Variants in TAOK3 observed in about 807,000 individuals in gnomAD.
The protein encoded by TAOK3 is TAO kinase 3, also known as serine/threonine-protein kinase TAO3.
A neutral mutation model predicts 120.4 loss-of-function variants in TAOK3; 40 were observed. That is an observed-to-expected ratio of 0.33 (90% CI 0.26 to 0.43). The LOEUF is 0.43. TAOK3 is among the 20% of genes least tolerant of loss of function. The pLI, the probability that TAOK3 is intolerant of heterozygous loss-of-function variation, is 1.00. For missense variants in TAOK3, 821 were observed against 1,112.1 expected (o/e 0.74, Z 3.72); for synonymous variants, 355 against 387.5 (o/e 0.92, Z 0.99).
chr12:118,288,953 A>C (rs1378784140), intron 1 of TAOK3, among the ~76,000 whole-genome samples: 1 of 151,208 alleles, frequency 6.6e-6, no homozygotes, highest in Non-Finnish European at 1.5e-5. Context: ...AGAAAAAGAA[A>C]GATAGCATGC....
In TAOK3 at chr12:118,177,083, C is replaced by T; in HGVS notation, c.1695+118G>A. ...TGCCCGGAAAGCATTTTAGGGTATT[C>T]TAATGTAAAGTTTGAGACTCACTGG... On this transcript the variant is annotated intron_variant, in intron 16 of 20. Coordinates refer to ENST00000392533, the MANE Select transcript of TAOK3 (RefSeq NM_016281.4). The T allele has an allele frequency of 2.6e-6, 3 of 1,136,456 alleles. No homozygotes were observed. The East Asian group carries it at 7.3e-5, about 28-fold the overall frequency. 70.4% of individuals were successfully genotyped at this position (1,136,456 alleles called of 1,614,324 possible).
chr12:118,217,376 T>C (rs1032990235), intron 9 of TAOK3, among the ~76,000 whole-genome samples: 1 of 152,164 alleles, frequency 6.6e-6, no homozygotes, highest in Non-Finnish European at 1.5e-5. Context: ...GATTAAGTGA[T>C]TTCTGTACCT....
At chr12:118,288,915 C>CAAAAAAAAAAA (rs34740967) in intron 1 of TAOK3, among the ~76,000 whole-genome samples, 1 of 94,218 alleles carries the variant, frequency 1.1e-5, no homozygotes, top group Non-Finnish European at 2.1e-5. Flanking sequence ...GACTCTATCT[C>CAAAAAAAAAAA]AAAAAAAAAA....
chr12:118,320,212 T>C (rs1704562627), intron 1 of TAOK3, among the ~76,000 whole-genome samples: 1 of 151,968 alleles, frequency 6.6e-6, no homozygotes, highest in Non-Finnish European at 1.5e-5. Flanking sequence ...AGTAAGTGCT[T>C]AATAGGTACA....
chr12:118,191,998 T>C (rs2037458257), intron 13 of TAOK3, among the ~76,000 whole-genome samples: 3 of 152,202 alleles, frequency 2.0e-5, no homozygotes, highest in African/African-American at 7.2e-5. Flanking sequence ...TTTCACATTG[T>C]AATAACTTGA....
At chr12:118,185,095 A>G (rs1290445234) in intron 14 of TAOK3, among the ~76,000 whole-genome samples, 2 of 151,948 alleles carry the variant, frequency 1.3e-5, no homozygotes, top group Non-Finnish European at 2.9e-5. Flanking sequence ...AAGAAGGGGC[A>G]CATTTAAGGA....
At chr12:118,231,904 C>G (rs1026099017) in intron 9 of TAOK3, among the ~76,000 whole-genome samples, 1 of 141,230 alleles carries the variant, frequency 7.1e-6, no homozygotes, top group African/African-American at 2.6e-5. Context: ...GCCTGGGTAA[C>G]AGAGCAAGAT....
chr12:118,166,150 G>A (rs1177870059), intron 17 of TAOK3, among the ~76,000 whole-genome samples: 1 of 152,192 alleles, frequency 6.6e-6, no homozygotes, highest in Non-Finnish European at 1.5e-5. Flanking sequence ...GCATTTGGGA[G>A]TTGAAGGACT....
chr12:118,267,974 C>T (rs2041532397), intron 1 of TAOK3, among the ~76,000 whole-genome samples: 1 of 151,642 alleles, frequency 6.6e-6, no homozygotes, highest in South Asian at 2.1e-4. Context: ...TCTCCATGGA[C>T]GTATTTATTT....
chr12:118,305,479 C>CA (rs896725722), intron 1 of TAOK3, among the ~76,000 whole-genome samples: 41 of 150,820 alleles, frequency 2.7e-4, no homozygotes, highest in Non-Finnish European at 2.4e-4. Flanking sequence ...TCTCAAAAAA[C>CA]AAAAAAATAA....
At chr12:118,194,205 G>C (rs1221509785) in intron 13 of TAOK3, among the ~76,000 whole-genome samples, 2 of 152,090 alleles carry the variant, frequency 1.3e-5, no homozygotes, top group Non-Finnish European at 2.9e-5. Context: ...CCTTTGTATA[G>C]ACTCCCACAC....
intron 2 of TAOK3, chr12:118,261,768 T>A (rs1229184736): frequency 6.6e-6 from 1 of 152,182 alleles, no homozygotes; most frequent in Non-Finnish European, 1.5e-5. Flanking sequence ...AACATAATCA[T>A]TGTCAAAAAA....
At position 118,201,460 on chromosome 12, in the gene TAOK3, C is replaced by A; in HGVS notation, c.823G>T (p.Asp275Tyr). Reference protein sequence around the residue: ...RPTSAELLRHDFVRRDRPLRV... With the variant: ...RPTSAELLRHYFVRRDRPLRV... ...AGTGGCCGGTCTCGTCGAACAAAGT[C>A]ATGCTGATTGAGGGAGGAGGAAAAA... The change falls in exon 12 of 21, where the codon GAC (aspartate) becomes TAC (tyrosine). Residue 275 changes from aspartate (D) to tyrosine (Y), a missense_variant. Physicochemically the swap from Asp to Tyr is radical, Grantham distance 160. Around this residue, in one of 2 missense-constraint regions of TAOK3, gnomAD observed 467 missense variants for 540.0 expected, o/e 0.86. Coordinates refer to ENST00000392533, the MANE Select transcript of TAOK3 (RefSeq NM_016281.4). 1 of 1,606,924 alleles carries A rather than the reference C, an allele frequency of 6.2e-7. No homozygotes were observed. Among genetic ancestry groups the A allele is most frequent in the South Asian group, 1.1e-5 (1 of 89,990 alleles).
rs369280993 is a variant in TAOK3, at chr12:118,255,602, C to G, written c.-35G>C. Reference sequence around the variant, plus strand: ...TAGAGCAGGCTCTGCTTTTTGATATCAGTTAGCTTTATTTCTCATTGACAA... The same window carrying G: ...TAGAGCAGGCTCTGCTTTTTGATATGAGTTAGCTTTATTTCTCATTGACAA... On this transcript the variant is annotated 5_prime_UTR_variant, in exon 3 of 21. An upstream open reading frame in the 5' UTR loses its in-frame stop. Transcript: ENST00000392533. 2 of 1,568,410 alleles carry G rather than the reference C, an allele frequency of 1.3e-6. No individual in the cohort carries two copies. Among genetic ancestry groups the G allele is most frequent in the African/African-American group, 2.7e-5 (2 of 72,806 alleles).
chr12:118,257,559 T>C (rs1194518444), intron 2 of TAOK3, among the ~76,000 whole-genome samples: 1 of 152,168 alleles, frequency 6.6e-6, no homozygotes, highest in Non-Finnish European at 1.5e-5. Flanking sequence ...CACAGGATAG[T>C]TGGTGTTTCT....
chr12:118,295,919 A>G (rs900669656), intron 1 of TAOK3, among the ~76,000 whole-genome samples: 1 of 152,234 alleles, frequency 6.6e-6, no homozygotes, highest in African/African-American at 2.4e-5. Context: ...AAATAGGAAG[A>G]ATGGGCAAGA....
At chr12:118,222,479 G>T (rs2039284840) in intron 9 of TAOK3, among the ~76,000 whole-genome samples, 1 of 151,488 alleles carries the variant, frequency 6.6e-6, no homozygotes, top group Admixed American at 6.6e-5. Context: ...GTTGCAGTGA[G>T]CTAAGATCAT....
At chr12:118,245,861 A>C (rs949228524) in intron 3 of TAOK3, among the ~76,000 whole-genome samples, 1 of 152,184 alleles carries the variant, frequency 6.6e-6, no homozygotes, top group Non-Finnish European at 1.5e-5. Context: ...CTGTCCATCA[A>C]TGGAGAACCA....
intron 9 of TAOK3, among the ~76,000 whole-genome samples, chr12:118,218,845 T>C (rs2039075074): frequency 1.3e-5 from 2 of 152,072 alleles, no homozygotes; most frequent in South Asian, 2.1e-4. Context: ...TCCCAGCTAC[T>C]TGGGAGGCTG....
Sources: gnomAD v4.1 joint callset for allele counts (sites outside exome capture counted in the v4.1 genomes callset) on GRCh38, gnomAD v4.1.1 for gene constraint, gnomAD v4.1.1 regional missense constraint, MANE v1.5 for transcripts, NCBI Gene and HGNC (gene_info 2026-07-23, HGNC 2026-07-21) for gene names.